CKAP2L: variants seen among roughly 807,000 people sequenced by gnomAD.
CKAP2L encodes cytoskeleton associated protein 2L.
A neutral mutation model predicts 65.7 loss-of-function variants in CKAP2L; 42 were observed. The observed-to-expected ratio is 0.64, with a 90% CI of 0.50 to 0.83. The LOEUF is 0.83. Among genes scored for constraint, CKAP2L ranks in the 40% least tolerant of loss-of-function variants. The probability of loss-of-function intolerance (pLI) is 0.00; values close to 1 mark genes in which losing one functional copy is unlikely to be tolerated. For missense variants in CKAP2L, 908 were observed against 871.0 expected (o/e 1.04, Z -0.53); for synonymous variants, 325 against 313.5 (o/e 1.04, Z -0.39).
intron 7 of CKAP2L, 109 bp from the exon 8 acceptor site, chr2:112,741,116 A>G: frequency 2.7e-6 from 2 of 747,788 alleles, no homozygotes; most frequent in Non-Finnish European, 4.5e-6. Flanking sequence ...AGTGATCTTC[A>G]TGGGCTCCAC....
chr2:112,760,459 A>G (rs1477421685), intron 3 of CKAP2L, among the ~76,000 whole-genome samples: 1 of 152,222 alleles, frequency 6.6e-6, no homozygotes, highest in African/African-American at 2.4e-5. Flanking sequence ...GCACACAGTA[A>G]GCATTCAATA....
chr2:112,748,831 C>T (rs1017228422), intron 5 of CKAP2L, among the ~76,000 whole-genome samples: 1 of 149,924 alleles, frequency 6.7e-6, no homozygotes, highest in Admixed American at 6.6e-5. Flanking sequence ...CATCACTGCA[C>T]TCCAATCTAG....
chr2:112,739,806 C>A (rs1206066484), intron 8 of CKAP2L, among the ~76,000 whole-genome samples: 1 of 152,152 alleles, frequency 6.6e-6, no homozygotes, highest in African/African-American at 2.4e-5. Context: ...AAACGTATGC[C>A]AGCATGCCTG....
At chr2:112,749,346 T>C (rs72825507) in intron 5 of CKAP2L, among the ~76,000 whole-genome samples, 77 of 152,278 alleles carry the variant, frequency 5.1e-4, no homozygotes, top group Non-Finnish European at 7.8e-4. Flanking sequence ...CTTTAAAAAA[T>C]AGAAAGTAAA....
chr2:112,760,390 T>C (rs903518040), intron 3 of CKAP2L, among the ~76,000 whole-genome samples: 1 of 152,186 alleles, frequency 6.6e-6, no homozygotes, highest in African/African-American at 2.4e-5. Flanking sequence ...GGGCTACTAA[T>C]AGTAGCCTCA....
intron 4 of CKAP2L, among the ~76,000 whole-genome samples, chr2:112,753,884 C>T (rs143748902): frequency 1.3e-5 from 2 of 152,186 alleles, no homozygotes; most frequent in African/African-American, 4.8e-5. Context: ...CATCTTCAGT[C>T]CTCCCCTCAA....
intron 6 of CKAP2L, among the ~76,000 whole-genome samples, chr2:112,743,734 G>C (rs1254457491): frequency 6.6e-6 from 1 of 152,146 alleles, no homozygotes; most frequent in Non-Finnish European, 1.5e-5. Flanking sequence ...CACTGTGCCT[G>C]GCCCAGATAC....
At chr2:112,760,683 A>G (rs766343327) in intron 3 of CKAP2L, 30 bp downstream of exon 3, 188 of 1,160,058 alleles carry the variant, frequency 1.6e-4, no homozygotes, top group South Asian at 5.9e-4. Flanking sequence ...TTATGAATGC[A>G]TATTTTTAAA....
At chr2:112,752,189 CTATAT>C (rs1213100767) in intron 5 of CKAP2L, 73 bp downstream of exon 5, 11 of 1,011,026 alleles carry the variant, frequency 1.1e-5, no homozygotes, top group South Asian at 4.4e-5. Context: ...GCTATCTCTC[CTATAT>C]TATATTTAGG....
At position 112,738,711 on chromosome 2, in the gene CKAP2L, G is replaced by C; in HGVS notation, c.*112C>G. 1.5e-6 allele frequency: 1 copy of C among 688,454 alleles called. No homozygotes were observed. Among genetic ancestry groups the C allele is most frequent in the Non-Finnish European group, 2.5e-6 (1 of 397,548 alleles). 42.6% of individuals were successfully genotyped at this position (688,454 alleles called of 1,614,324 possible). Reference sequence around the variant, plus strand: ...CCAGTGAATTACTTAAGTCCTGAGCGTCCATAATCTGCATCCATGATGCCT... The same window carrying C: ...CCAGTGAATTACTTAAGTCCTGAGCCTCCATAATCTGCATCCATGATGCCT... On this transcript the variant is annotated 3_prime_UTR_variant, in exon 9 of 9. Coordinates refer to ENST00000302450, the MANE Select transcript of CKAP2L (RefSeq NM_152515.5).
intron 3 of CKAP2L, 145 bp downstream of exon 3, chr2:112,760,568 T>C (rs1339933786): frequency 3.9e-6 from 2 of 507,838 alleles, no homozygotes; most frequent in East Asian, 7.3e-5. Flanking sequence ...CAAAAAATGA[T>C]TGTCTCTTAT....
Position 112,742,755 on chromosome 2 carries a change from C to T in CKAP2L, c.1773G>A (p.Leu591=). 1 of 1,609,150 alleles carries T rather than the reference C, an allele frequency of 6.2e-7. No individual in the cohort carries two copies. Among genetic ancestry groups the T allele is most frequent in the Non-Finnish European group, 8.5e-7 (1 of 1,177,666 alleles). ...GCAAGATATTAAGAACAACTTTCCG[C>T]AACTCTTGTATTGGCTGGAAGGAAG... ...IKNGATPIQE[L]RKVVLNILQD... Residue 591 remains leucine, a synonymous_variant, in exon 7 of 9, where the codon TTG becomes TTA. Transcript: ENST00000302450.
Position 112,756,273 on chromosome 2 carries a change from T to C in CKAP2L, c.1098A>G (p.Ser366=). ...TGGCTTTTGACTTTTGCAGTACACA[T>C]GATGTCTGAGGTATACAAACTTGGC... ...KSSQVCIPQT[S]CVLQKSKAIS... The change falls in exon 4 of 9, where the codon TCA becomes TCG. Residue 366 remains serine (S), a synonymous_variant. Coordinates refer to ENST00000302450, the MANE Select transcript of CKAP2L (RefSeq NM_152515.5). 6.2e-7 allele frequency: 1 copy of C among 1,614,154 alleles called. No homozygotes were observed. The highest frequency in any genetic ancestry group is 2.2e-5 in the East Asian group (1 of 44,884).
intron 8 of CKAP2L, 119 bp downstream of exon 8, chr2:112,740,699 T>C: frequency 1.3e-6 from 1 of 766,076 alleles, no homozygotes; most frequent in Non-Finnish European, 2.2e-6. Flanking sequence ...CTCCTGACTC[T>C]GGCAGCACCT....
intron 5 of CKAP2L, among the ~76,000 whole-genome samples, chr2:112,750,802 A>G (rs560677867): frequency 1.3e-5 from 2 of 152,198 alleles, no homozygotes; most frequent in Admixed American, 6.5e-5. Context: ...AAAAAAAAAA[A>G]AAAGAAAGAC....
At chr2:112,743,552 C>T (rs1680098297) in intron 6 of CKAP2L, among the ~76,000 whole-genome samples, 1 of 152,120 alleles carries the variant, frequency 6.6e-6, no homozygotes, top group Admixed American at 6.5e-5. Flanking sequence ...ATTCTCCTGC[C>T]TCAGCCTCCC....
At position 112,756,919 on chromosome 2, in the gene CKAP2L, T is replaced by C. The variant is rs1009883849; in HGVS notation, c.452A>G (p.Lys151Arg). 3 of 1,614,126 alleles carry C rather than the reference T, an allele frequency of 1.9e-6. No individual in the cohort carries two copies. In the Admixed American group the frequency reaches 5.0e-5, roughly 27 times the overall value. ...SLNIEQLKTT[K>R]QQLTDQGNGK... Reference sequence around the variant, plus strand: ...ATTTCCTTGATCTGTTAACTGCTGCTTTGTAGTTTTCAATTGCTCTATATT... The same window carrying C: ...ATTTCCTTGATCTGTTAACTGCTGCCTTGTAGTTTTCAATTGCTCTATATT... The change falls in exon 4 of 9, where the codon AAG becomes AGG. Residue 151 changes from lysine to arginine, a missense_variant. Lys to Arg is a conservative substitution (Grantham distance 26). Coordinates refer to ENST00000302450, the MANE Select transcript of CKAP2L (RefSeq NM_152515.5).
chr2:112,751,701 C>G (rs1395429876), intron 5 of CKAP2L, among the ~76,000 whole-genome samples: 3 of 152,078 alleles, frequency 2.0e-5, no homozygotes, highest in African/African-American at 7.2e-5. Flanking sequence ...TTGCTCTAGG[C>G]AAGGATCTTA....
intron 4 of CKAP2L, among the ~76,000 whole-genome samples, chr2:112,753,972 C>T (rs770059394): frequency 5.9e-5 from 9 of 152,190 alleles, no homozygotes; most frequent in African/African-American, 7.2e-5. Context: ...CTGTCTCCTC[C>T]ACTAGAGTGT....
Sources: gnomAD v4.1 joint callset for allele counts (sites outside exome capture counted in the v4.1 genomes callset) on GRCh38, gnomAD v4.1.1 for gene constraint, MANE v1.5 for transcripts, NCBI Gene and HGNC (gene_info 2026-07-23, HGNC 2026-07-21) for gene names.